SEPTIN8: variants seen among roughly 807,000 people sequenced by gnomAD.
The protein encoded by SEPTIN8 is septin-8.
SEPTIN8 carries 22 observed loss-of-function variants against 53.1 expected under a neutral mutation model. The observed-to-expected ratio is 0.41, with a 90% CI of 0.30 to 0.59. The LOEUF is 0.59. Among genes scored for constraint, SEPTIN8 ranks in the 20% least tolerant of loss-of-function variants. The probability of loss-of-function intolerance (pLI) is 0.24; values close to 1 mark genes in which losing one functional copy is unlikely to be tolerated. For missense variants in SEPTIN8, 536 were observed against 638.7 expected, an observed-to-expected ratio of 0.84 and a Z score of 1.73; for synonymous variants, 228 against 248.4, an observed-to-expected ratio of 0.92 and a Z score of 0.77.
At position 132,761,626 on chromosome 5, in the gene SEPTIN8, A is replaced by T; in HGVS notation, c.794T>A (p.Val265Glu). The change falls in exon 7 of 10, where the codon GTG becomes GAG. Residue 265 changes from valine (V) to glutamate (E), a missense_variant and splice_region_variant. By Grantham distance (121) the Val-to-Glu change is moderately radical (BLOSUM62 -2). Transcript: ENST00000378719. The surrounding 1 kb of genome is among the most constrained non-coding windows in gnomAD (Gnocchi z 5.8). ...ARQYPWGVVQ[V>E]ENENHCDFVK... The stretch of plus-strand genomic sequence containing the variant: ...GAAGTCGCAGTGATTCTCATTCTCC[A>T]CTGAAAGCAGAGGGCCGGTGGGGTA... The T allele has an allele frequency of 6.2e-7, 1 of 1,613,492 alleles. No homozygotes were observed. Among genetic ancestry groups the T allele is most frequent in the Non-Finnish European group, 8.5e-7 (1 of 1,179,774 alleles).
intron 1 of SEPTIN8, among the ~76,000 whole-genome samples, chr5:132,769,710 A>G (rs1489938899): frequency 6.6e-6 from 1 of 151,972 alleles, no homozygotes; most frequent in Admixed American, 6.6e-5. Flanking sequence ...AGGAGAGCAA[A>G]GCCAGGATCT....
chr5:132,759,644 C>A (rs530873706), intron 9 of SEPTIN8, among the ~76,000 whole-genome samples: 1 of 152,300 alleles, frequency 6.6e-6, no homozygotes, highest in East Asian at 1.9e-4. Flanking sequence ...AAGGAAGGGC[C>A]TGGGCATACA....
At chr5:132,763,534 T>C (rs894991780) in intron 4 of SEPTIN8, among the ~76,000 whole-genome samples, 172 bp downstream of exon 4, 1 of 152,024 alleles carries the variant, frequency 6.6e-6, no homozygotes, top group African/African-American at 2.4e-5. Context: ...TGGGGGCCAC[T>C]GGAGCAGGAG....
chr5:132,753,963 T>TTTG (rs1366673564), intron 9 of SEPTIN8: 2 of 149,412 alleles, frequency 1.3e-5, no homozygotes, highest in African/African-American at 5.0e-5. Context: ...ATGGTTTTTT[T>TTTG]TTTTTTTTTT....
At chr5:132,770,169 ATATATG>A (rs1757176492) in intron 1 of SEPTIN8, among the ~76,000 whole-genome samples, 1 of 130,788 alleles carries the variant, frequency 7.6e-6, no homozygotes, top group South Asian at 2.3e-4. Flanking sequence ...ATATATATGT[ATATATG>A]TATATATATG....
At chr5:132,762,274 C>T (rs1016104205) in intron 5 of SEPTIN8, among the ~76,000 whole-genome samples, 2 of 152,222 alleles carry the variant, frequency 1.3e-5, no homozygotes, top group African/African-American at 4.8e-5. Flanking sequence ...GACACCCAAA[C>T]CTGGGGTCCC....
chr5:132,765,521 C>T lies in SEPTIN8; in HGVS notation c.39G>A (p.Glu13=), dbSNP rs375356664. ...CCAGGGAGAGGCTCCGGGGCTCTGG[C>T]TCTGCATTCTGCCAAGAGAGAAATA... ...ATDLERFSNA[E]PEPRSLSLGG... Residue 13 remains glutamate (E), a synonymous_variant, in exon 2 of 10, where the codon GAG becomes GAA. Coordinates refer to ENST00000378719, the MANE Select transcript of SEPTIN8 (RefSeq NM_001098811.2). The T allele has an allele frequency of 6.3e-7, 1 of 1,596,868 alleles. No homozygotes were observed. Among genetic ancestry groups the T allele is most frequent in the South Asian group, 1.1e-5 (1 of 88,074 alleles).
At chr5:132,757,792 A>G (rs1755479958) in intron 9 of SEPTIN8, 1 of 985,358 alleles carries the variant, frequency 1.0e-6, no homozygotes, top group East Asian at 1.1e-4. Context: ...TTTAGAGTGC[A>G]GCTGAAGGGG....
intron 1 of SEPTIN8, among the ~76,000 whole-genome samples, chr5:132,775,083 T>C (rs993841081): frequency 6.6e-6 from 1 of 152,162 alleles, no homozygotes; most frequent in African/African-American, 2.4e-5. Context: ...GAAGCTGGCA[T>C]AGCAACCAAG....
chr5:132,773,474 C>T lies in SEPTIN8; in HGVS notation c.30+3634G>A, dbSNP rs957771852. 1.3e-5 allele frequency among the ~76,000 whole-genome samples: 2 copies of T among 152,192 alleles called. No homozygotes were observed. The highest frequency in any genetic ancestry group is 2.9e-5 in the Non-Finnish European group (2 of 68,034). Reference sequence around the variant, plus strand: ...AAATATAATATATGCTTCCACCTAGCCCATCCGAGGGCTCAAAACGCCAAG... The same window carrying T: ...AAATATAATATATGCTTCCACCTAGTCCATCCGAGGGCTCAAAACGCCAAG... On this transcript the variant is annotated intron_variant, in intron 1 of 9. Transcript: ENST00000378719. This position sits in a 1 kb window ranked among gnomAD's most constrained non-coding sequence, Gnocchi z 4.2.
At chr5:132,770,214 G>A (rs1370921001) in intron 1 of SEPTIN8, among the ~76,000 whole-genome samples, 2 of 147,472 alleles carry the variant, frequency 1.4e-5, no homozygotes, top group African/African-American at 5.0e-5. Context: ...GACACAGTCT[G>A]GCTCTGTCAC....
At position 132,776,672 on chromosome 5, in the gene SEPTIN8, C is replaced by A. The variant is rs1201537440; in HGVS notation, c.30+436G>T. On this transcript the variant is annotated intron_variant, in intron 1 of 9. Coordinates refer to ENST00000378719, the MANE Select transcript of SEPTIN8 (RefSeq NM_001098811.2). The surrounding 1 kb of genome is among the most constrained non-coding windows in gnomAD (Gnocchi z 4.4). ...TGGGAGACTCTCTCGGATCCTGGGG[C>A]CTCCATCCTCCCCGGCTGTACCTAT... Among the ~76,000 whole-genome samples, 1 of 152,150 alleles carries A rather than the reference C, an allele frequency of 6.6e-6. No homozygotes were observed. The highest frequency in any genetic ancestry group is 1.5e-5 in the Non-Finnish European group (1 of 68,024).
intron 9 of SEPTIN8, chr5:132,756,204 C>CAT: frequency 1.0e-6 from 1 of 985,448 alleles, no homozygotes; most frequent in Non-Finnish European, 1.2e-6. Flanking sequence ...CACATTTACA[C>CAT]ATACACAAAC....
chr5:132,767,398 T>C (rs1339686221), intron 1 of SEPTIN8, among the ~76,000 whole-genome samples: 1 of 152,094 alleles, frequency 6.6e-6, no homozygotes, highest in Non-Finnish European at 1.5e-5. Flanking sequence ...CTACAGCTAC[T>C]CTACTTTTCC....
chr5:132,765,531 T>C lies in SEPTIN8; in HGVS notation c.31-2A>G. The C allele has an allele frequency of 6.3e-7, 1 of 1,587,728 alleles. No homozygotes were observed. The highest frequency in any genetic ancestry group is 1.4e-5 in the African/African-American group (1 of 73,756). Reference sequence around the variant, plus strand: ...GCTCCGGGGCTCTGGCTCTGCATTCTGCCAAGAGAGAAATAAAGCAAGACA... The same window carrying C: ...GCTCCGGGGCTCTGGCTCTGCATTCCGCCAAGAGAGAAATAAAGCAAGACA... On this transcript the variant is annotated splice_acceptor_variant, in intron 1 of 9. Coordinates refer to ENST00000378719, the MANE Select transcript of SEPTIN8 (RefSeq NM_001098811.2). LOFTEE classifies it high-confidence loss of function.
chr5:132,764,101 C>T, intron 3 of SEPTIN8, 123 bp downstream of exon 3: 1 of 1,114,832 alleles, frequency 9.0e-7, no homozygotes, highest in Non-Finnish European at 1.3e-6. Flanking sequence ...ACCACAGAGC[C>T]TCAGATATTC....
chr5:132,775,975 T>C (rs1213973820), intron 1 of SEPTIN8: 1 of 152,170 alleles, frequency 6.6e-6, no homozygotes, highest in Non-Finnish European at 1.5e-5. Context: ...TCATGCACAT[T>C]TCCAAAGTAG....
chr5:132,765,587 C>G, intron 1 of SEPTIN8, 58 bp from the exon 2 acceptor site: 1 of 1,522,652 alleles, frequency 6.6e-7, no homozygotes, highest in Middle Eastern at 1.8e-4. Flanking sequence ...GGTCAAGCTG[C>G]GGGGTGGGCG....
Position 132,761,256 on chromosome 5 carries a change from C to G in SEPTIN8, c.972G>C (p.Glu324Asp). 1.2e-6 allele frequency: 2 copies of G among 1,613,786 alleles called. No individual in the cohort carries two copies. Among genetic ancestry groups the G allele is most frequent in the East Asian group, 2.2e-5 (1 of 44,894 alleles). ...DGDSQPFSLQETYEAKRKEFL... is the reference protein window; with the variant it reads ...DGDSQPFSLQDTYEAKRKEFL... ...ACTCCTTCCTCTTGGCCTCGTATGTCTCTTGTAGGCTGTGGAGACCCAGAG... is the reference window on the plus strand; with the variant it reads ...ACTCCTTCCTCTTGGCCTCGTATGTGTCTTGTAGGCTGTGGAGACCCAGAG... The change falls in exon 8 of 10, where the codon GAG (glutamate) becomes GAC (aspartate). Residue 324 changes from glutamate (E) to aspartate (D), a missense_variant. Physicochemically the swap from Glu to Asp is conservative, Grantham distance 45 (BLOSUM62 2). Transcript: ENST00000378719. This position sits in a 1 kb window ranked among gnomAD's most constrained non-coding sequence, Gnocchi z 5.8.
Sources: allele counts gnomAD v4.1 joint callset (sites outside exome capture counted in the v4.1 genomes callset), GRCh38; gene constraint gnomAD v4.1.1; non-coding constraint Gnocchi (gnomAD v3.1); transcripts MANE v1.5; gene names NCBI Gene and HGNC (gene_info 2026-07-23, HGNC 2026-07-21).